Variants in NUP85 observed in about 807,000 individuals in gnomAD.
The protein encoded by NUP85 is nuclear pore complex protein Nup85.
Under a neutral mutation model 92.8 loss-of-function variants are expected in NUP85, and 23 were observed. The ratio of observed to expected loss-of-function variants is 0.25; its 90% CI spans 0.18 to 0.35. NUP85 has a LOEUF of 0.35. NUP85 is among the 10% of genes least tolerant of loss of function. NUP85 has a pLI of 1.00. For synonymous variants in NUP85, 314 were observed against 306.9 expected (o/e 1.02, Z -0.24); for missense variants, 759 against 822.8 (o/e 0.92, Z 0.95).
intron 9 of NUP85, 60 bp downstream of exon 9, chr17:75,225,524 G>T: frequency 6.3e-7 from 1 of 1,591,818 alleles, no homozygotes; most frequent in Non-Finnish European, 8.6e-7. Context: ...GTGGCATCCA[G>T]TGCAGCAGTG....
intron 7 of NUP85, 113 bp downstream of exon 7, chr17:75,218,419 T>TCCATA: frequency 7.6e-7 from 1 of 1,319,814 alleles, no homozygotes; most frequent in Non-Finnish European, 1.1e-6. Flanking sequence ...TTTTGGAGTC[T>TCCATA]GTTACTATGG....
At position 75,235,183 on chromosome 17, in the gene NUP85, T is replaced by A. The variant is rs779325414; in HGVS notation, c.1851T>A (p.Ser617=). 6 of 1,613,676 alleles carry A rather than the reference T, an allele frequency of 3.7e-6. No individual in the cohort carries two copies. The highest frequency in any genetic ancestry group is 1.6e-4 in the Middle Eastern group (1 of 6,062). ...LTSRRPVHGE[S]DTEQLQDDDI... ...CAAGAAGACCTGTGCATGGAGAATC[T>A]GATACCGAGCAGCTCCAGGTCATTT... The change falls in exon 18 of 19, where the codon TCT becomes TCA. Residue 617 remains serine (S), a synonymous_variant. Coordinates refer to ENST00000245544, the MANE Select transcript of NUP85 (RefSeq NM_024844.5).
In NUP85 at chr17:75,208,523, C is replaced by T; in HGVS notation, c.34-4C>T. Reference sequence around the variant, plus strand: ...TTTTAGATTTCTATGCCTTATTTTACTAGTTGATTCCAGGCGTGAATTCCA... The same window carrying T: ...TTTTAGATTTCTATGCCTTATTTTATTAGTTGATTCCAGGCGTGAATTCCA... On this transcript the variant is annotated splice_polypyrimidine_tract_variant and splice_region_variant and intron_variant, in intron 1 of 18. Transcript: ENST00000245544. 6.8e-7 allele frequency: 1 copy of T among 1,473,082 alleles called. No individual in the cohort carries two copies. The highest frequency in any genetic ancestry group is 9.5e-7 in the Non-Finnish European group (1 of 1,057,964). The allele number at this position is 1,473,082 out of a possible 1,614,324, so 91.3% of individuals were successfully genotyped here. A position where few individuals can be genotyped will look rare whatever the true frequency, so the allele number is the denominator to read the frequency against.
At position 75,222,324 on chromosome 17, in the gene NUP85, C is replaced by T. The variant is rs1314427300; in HGVS notation, c.598-2779C>T. Among the ~76,000 whole-genome samples the T allele has an allele frequency of 2.6e-5, 4 of 152,106 alleles. No homozygotes were observed. The East Asian group carries it at 7.7e-4, about 29-fold the overall frequency. ...CTTCCCAAAGTGTTGGGATTACAGG[C>T]GTGAGGCACCATGCCTGTCCGACAT... On this transcript the variant is annotated intron_variant, in intron 7 of 18. Coordinates refer to ENST00000245544, the MANE Select transcript of NUP85 (RefSeq NM_024844.5).
intron 7 of NUP85, among the ~76,000 whole-genome samples, chr17:75,220,652 A>G (rs1015963860): frequency 2.0e-5 from 3 of 151,784 alleles, no homozygotes; most frequent in African/African-American, 4.8e-5. Context: ...CAGTGGCGCT[A>G]TCTCAGTTCA....
rs1282361055 is a variant in NUP85 at position 75,233,597 on chromosome 17, TTTTA to T, written c.1615+451_1615+454del. On this transcript the variant is annotated intron_variant, in intron 16 of 18. Coordinates refer to ENST00000245544, the MANE Select transcript of NUP85 (RefSeq NM_024844.5). ...GAACCACACCTGGCTAATTTTTGTATTTTATTTATTTATTTTTTGGGGACAGAGT... is the reference window on the plus strand; with the variant it reads ...GAACCACACCTGGCTAATTTTTGTATTTTATTTATTTTTTGGGGACAGAGT... Among the ~76,000 whole-genome samples, 15 of 149,826 alleles carry T rather than the reference TTTTA, an allele frequency of 1.0e-4. No homozygotes were observed. The East Asian group carries it at 2.0e-3, about 20-fold the overall frequency.
At position 75,231,343 on chromosome 17, in the gene NUP85, C is replaced by T. The variant is rs745658584; in HGVS notation, c.1098C>T (p.Ile366=). 1.9e-5 allele frequency: 30 copies of T among 1,614,180 alleles called. No individual in the cohort carries two copies. Among genetic ancestry groups the T allele is most frequent in the Non-Finnish European group, 2.2e-5 (26 of 1,180,034 alleles). ...DIHQVIKECS[I]ALSNWWFVAH... ...GCCTTGGTGTCTGAATCTGCAGCAT[C>T]GCCCTGAGCAACTGGTGGTTTGTGG... is the stretch of plus-strand genomic sequence containing the variant. The change falls in exon 12 of 19, where the codon ATC becomes ATT. Residue 366 remains isoleucine (I), a synonymous_variant. Coordinates refer to ENST00000245544, the MANE Select transcript of NUP85 (RefSeq NM_024844.5). The surrounding 1 kb of genome is among the most constrained non-coding windows in gnomAD (Gnocchi z 4.6).
At chr17:75,235,306 T>A in intron 18 of NUP85, 105 bp downstream of exon 18, 3 of 762,498 alleles carry the variant, frequency 3.9e-6, no homozygotes, top group Non-Finnish European at 6.4e-6. Flanking sequence ...TATGGACACA[T>A]GTGCCTCTGT....
chr17:75,225,514 G>A lies in NUP85; in HGVS notation c.855+50G>A, dbSNP rs2075757113. 1.9e-6 allele frequency: 3 copies of A among 1,598,062 alleles called. No homozygotes were observed. The African/African-American group carries it at 4.0e-5, about 21-fold the overall frequency. ...TCCATGTTGGCTTCCTATGGGGGCT[G>A]TGGCATCCAGTGCAGCAGTGGCAGG... On this transcript the variant is annotated intron_variant, in intron 9 of 18. Coordinates refer to ENST00000245544, the MANE Select transcript of NUP85 (RefSeq NM_024844.5).
intron 7 of NUP85, among the ~76,000 whole-genome samples, chr17:75,219,009 A>G (rs1430978959): frequency 1.3e-5 from 2 of 152,128 alleles, no homozygotes; most frequent in Admixed American, 1.3e-4. Context: ...CGAAGTCAGC[A>G]TGTCGTATAT....
intron 11 of NUP85, chr17:75,226,738 A>G (rs1352266197): frequency 6.7e-6 from 3 of 450,624 alleles, no homozygotes; most frequent in Non-Finnish European, 1.3e-5. Flanking sequence ...AACTGTTTCC[A>G]TTTCAGGGAT....
Position 75,213,861 on chromosome 17 carries a change from A to AG in NUP85, c.405+743dup, listed in dbSNP as rs796069209. Among the ~76,000 whole-genome samples the AG allele has an allele frequency of 4.3e-5, 4 of 92,788 alleles. 1 individual carries two copies. The highest frequency in any genetic ancestry group is 4.3e-5 in the Non-Finnish European group (2 of 46,858). 60.9% of individuals were successfully genotyped at this position (92,788 alleles called of 152,430 possible). On this transcript the variant is annotated intron_variant, in intron 5 of 18. Coordinates refer to ENST00000245544, the MANE Select transcript of NUP85 (RefSeq NM_024844.5). ...GAGCTGCCACACCTGGCAAAACTCA[A>AG]GTTTTTTTTTTTTTTTTTTTTTTTT... is the stretch of plus-strand genomic sequence containing the variant.
rs963073687 is a variant in NUP85, at chr17:75,234,551, G to A, written c.1616-86G>A. The A allele has an allele frequency of 7.7e-6, 11 of 1,434,848 alleles. No homozygotes were observed. The Admixed American group carries it at 1.6e-4, about 21-fold the overall frequency. The allele number at this position is 1,434,848 out of a possible 1,614,324, so 88.9% of individuals were successfully genotyped here. On this transcript the variant is annotated intron_variant, in intron 16 of 18. Coordinates refer to ENST00000245544, the MANE Select transcript of NUP85 (RefSeq NM_024844.5). ...GCTGGTCTGAGGTTTTTCTTCTCCTGTTTAGGGCCAGGGTGACTTTTGTAG... is the reference window on the plus strand; with the variant it reads ...GCTGGTCTGAGGTTTTTCTTCTCCTATTTAGGGCCAGGGTGACTTTTGTAG...
At chr17:75,218,117 C>T in intron 6 of NUP85, 68 bp from the exon 7 acceptor site, 1 of 1,606,552 alleles carries the variant, frequency 6.2e-7, no homozygotes, top group South Asian at 1.1e-5. Flanking sequence ...TTCTCTGTTC[C>T]TTGGATAAAG....
rs2076068102 is a variant in NUP85 at position 75,231,736 on chromosome 17, G to A, written c.1245-92G>A. ...TTCTCTCCCAGTTGGCTCCTTGAAG[G>A]CTTCGGAAGGGTCAGTGAAAGGGAG... On this transcript the variant is annotated intron_variant, in intron 13 of 18. Transcript: ENST00000245544. This position sits in a 1 kb window ranked among gnomAD's most constrained non-coding sequence, Gnocchi z 4.6. 1 of 1,605,918 alleles carries A rather than the reference G, an allele frequency of 6.2e-7. No individual in the cohort carries two copies. The highest frequency in any genetic ancestry group is 8.5e-7 in the Non-Finnish European group (1 of 1,173,352).
At chr17:75,221,620 G>T (rs2075601313) in intron 7 of NUP85, among the ~76,000 whole-genome samples, 2 of 152,144 alleles carry the variant, frequency 1.3e-5, no homozygotes, top group African/African-American at 4.8e-5. Flanking sequence ...CTGTCCCATG[G>T]GGCTGTTGTG....
At chr17:75,229,812 G>T (rs1203694908) in intron 11 of NUP85, among the ~76,000 whole-genome samples, 1 of 152,240 alleles carries the variant, frequency 6.6e-6, no homozygotes, top group Admixed American at 6.5e-5. Flanking sequence ...CCAGTTGTTG[G>T]TGGCTTTCGT....
At chr17:75,230,382 T>C (rs4789154) in intron 11 of NUP85, among the ~76,000 whole-genome samples, 133,983 of 145,998 alleles carry the variant, frequency 0.92, 62,302 homozygotes, top group Non-Finnish European at 1. Flanking sequence ...TTTTTTGAGA[T>C]GGAGTCTCAC....
chr17:75,228,595 G>A (rs927629985), intron 11 of NUP85: 1 of 985,328 alleles, frequency 1.0e-6, no homozygotes, highest in African/African-American at 1.7e-5. Context: ...TTTCTCATGG[G>A]ATGTATCAGT....
Sources: gnomAD v4.1 joint callset for allele counts (sites outside exome capture counted in the v4.1 genomes callset) on GRCh38, gnomAD v4.1.1 for gene constraint, Gnocchi (gnomAD v3.1) non-coding constraint, MANE v1.5 for transcripts, NCBI Gene and HGNC (gene_info 2026-07-23, HGNC 2026-07-21) for gene names.